The following DPP10 variants were observed in gnomAD, a reference collection of about 807,000 sequenced individuals.
The protein encoded by DPP10 is dipeptidyl peptidase like 10.
DPP10 carries 33 observed loss-of-function variants against 120.9 expected under a neutral mutation model. The observed-to-expected ratio is 0.27, with a 90% CI of 0.21 to 0.37. The LOEUF (loss-of-function observed/expected upper bound fraction) is 0.37, where lower values mean the gene tolerates loss of function less well. Ranked by LOEUF, DPP10 falls within the 10% of genes least tolerant of loss-of-function variation. The probability of loss-of-function intolerance (pLI) is 1.00; values close to 1 mark genes in which losing one functional copy is unlikely to be tolerated. For synonymous variants in DPP10, 337 were observed against 326.1 expected (o/e 1.03, Z -0.36); for missense variants, 816 against 942.8 (o/e 0.87, Z 1.76).
At chr2:114,830,177 C>CCT (rs10633597) in intron 1 of DPP10, among the ~76,000 whole-genome samples, 147,632 of 152,172 alleles carry the variant, frequency 0.97, 71,776 homozygotes, top group Middle Eastern at 1. Flanking sequence ...CCTAAGTTCC[C>CCT]GTTATTGCCC....
At position 114,796,606 on chromosome 2, in the gene DPP10, G is replaced by A. The variant is rs539102780; in HGVS notation, c.60+353768G>A. ...TTGTACTCAGATTTTTGACTGTGCAGGAAGGGCTGGTTCCCCTAACTTCCA... is the reference window on the plus strand; with the variant it reads ...TTGTACTCAGATTTTTGACTGTGCAAGAAGGGCTGGTTCCCCTAACTTCCA... On this transcript the variant is annotated intron_variant, in intron 1 of 25. Coordinates refer to ENST00000410059, the MANE Select transcript of DPP10 (RefSeq NM_020868.6). Among the ~76,000 whole-genome samples the A allele has an allele frequency of 1.1e-3, 173 of 152,210 alleles. No individual in the cohort carries two copies. In the Middle Eastern group the frequency reaches 0.014, roughly 12 times the overall value.
chr2:115,570,987 C>G (rs1409853169), intron 5 of DPP10, among the ~76,000 whole-genome samples: 1 of 152,104 alleles, frequency 6.6e-6, no homozygotes, highest in Non-Finnish European at 1.5e-5. Context: ...GGGCATTAAC[C>G]ACAGTGTAAA....
intron 1 of DPP10, among the ~76,000 whole-genome samples, chr2:114,903,601 A>G (rs1190261383): frequency 3.9e-5 from 6 of 152,184 alleles, no homozygotes; most frequent in East Asian, 1.9e-4. Context: ...GGTATTTTCA[A>G]TTAGACTGCA....
At chr2:115,790,069 CTA>C (rs1205528605) in intron 17 of DPP10, among the ~76,000 whole-genome samples, 3 of 91,758 alleles carry the variant, frequency 3.3e-5, no homozygotes, top group African/African-American at 1.2e-4. Context: ...GATTAGAAGG[CTA>C]TTTTTTTTTT....
intron 3 of DPP10, among the ~76,000 whole-genome samples, chr2:115,429,154 G>A (rs867510575): frequency 6.6e-6 from 1 of 151,630 alleles, no homozygotes; most frequent in Admixed American, 6.6e-5. Context: ...ATAAAGGAGG[G>A]CATTTTGTAG....
In DPP10 at chr2:115,507,017, T is replaced by C. The variant is rs537782386; in HGVS notation, c.366+7413T>C. On this transcript the variant is annotated intron_variant, in intron 4 of 25. Coordinates refer to ENST00000410059, the MANE Select transcript of DPP10 (RefSeq NM_020868.6). ...CAAAGGATAACAACCTTGGCTGCAT[T>C]ACACACACACGCACGCGCACACACA... 1.4e-3 allele frequency among the ~76,000 whole-genome samples: 207 copies of C among 144,618 alleles called. 2 individuals are homozygous for C. Among genetic ancestry groups the C allele is most frequent in the African/African-American group, 5.3e-3 (201 of 37,842 alleles). 94.9% of individuals were successfully genotyped at this position (144,618 alleles called of 152,430 possible).
At chr2:115,442,363 T>TTGTGTGTGTGTGTGTG (rs555025083) in intron 3 of DPP10, among the ~76,000 whole-genome samples, 24 of 147,350 alleles carry the variant, frequency 1.6e-4, no homozygotes, top group African/African-American at 5.7e-4. Flanking sequence ...GTGTGTGTGT[T>TTGTGTGTGTGTGTGTG]TGTGTGTGTG....
chr2:115,584,815 T>G (rs1177499669), intron 5 of DPP10, among the ~76,000 whole-genome samples: 2 of 152,182 alleles, frequency 1.3e-5, no homozygotes, highest in Admixed American at 6.5e-5. Context: ...TAAACAAAAG[T>G]GATGGGTGTC....
chr2:114,929,745 T>G (rs1273755890), intron 1 of DPP10, among the ~76,000 whole-genome samples: 1 of 152,174 alleles, frequency 6.6e-6, no homozygotes, highest in African/African-American at 2.4e-5. Context: ...GACATACATC[T>G]TCAGCTTACG....
intron 5 of DPP10, among the ~76,000 whole-genome samples, chr2:115,671,076 A>G (rs1467627146): frequency 6.6e-6 from 1 of 152,130 alleles, no homozygotes; most frequent in Non-Finnish European, 1.5e-5. Flanking sequence ...CACTGGGAGT[A>G]TAACTGTGTT....
chr2:115,050,830 C>A (rs1260581407), intron 1 of DPP10, among the ~76,000 whole-genome samples: 2 of 152,228 alleles, frequency 1.3e-5, no homozygotes, highest in African/African-American at 4.8e-5. Flanking sequence ...TCTCAAAATT[C>A]TGGGAGATGT....
intron 5 of DPP10, among the ~76,000 whole-genome samples, chr2:115,600,024 A>G (rs1178539297): frequency 2.6e-5 from 4 of 151,796 alleles, no homozygotes; most frequent in Non-Finnish European, 4.4e-5. Flanking sequence ...TTTGGGAGCC[A>G]TTGTTACCCC....
At chr2:114,703,303 A>T (rs1398779728) in intron 1 of DPP10, among the ~76,000 whole-genome samples, 1 of 152,186 alleles carries the variant, frequency 6.6e-6, no homozygotes, top group Non-Finnish European at 1.5e-5. Context: ...TATTTACAGG[A>T]GAAACAAATA....
intron 11 of DPP10, among the ~76,000 whole-genome samples, chr2:115,756,074 C>T (rs746268162): frequency 1.3e-5 from 2 of 151,932 alleles, no homozygotes; most frequent in African/African-American, 2.4e-5. Flanking sequence ...CTGAGATAAG[C>T]GAGTCAACAC....
chr2:115,106,944 A>G (rs62164535), intron 1 of DPP10, among the ~76,000 whole-genome samples: 23,414 of 151,370 alleles, frequency 0.15, 2,002 homozygotes, highest in Non-Finnish European at 0.19. Context: ...GCGTGGTGGC[A>G]GGTGCCTGTA....
At chr2:115,454,397 G>A (rs975921253) in intron 3 of DPP10, among the ~76,000 whole-genome samples, 30 of 151,492 alleles carry the variant, frequency 2.0e-4, no homozygotes, top group African/African-American at 6.5e-4. Context: ...TGACCATGTA[G>A]GATATATTCC....
intron 1 of DPP10, among the ~76,000 whole-genome samples, chr2:115,080,558 A>G (rs576462170): frequency 1.6e-4 from 25 of 152,294 alleles, no homozygotes; most frequent in African/African-American, 5.3e-4. Context: ...TTATTCTTCT[A>G]TGAATTGTCT....
At chr2:115,651,129 C>T (rs1367038962) in intron 5 of DPP10, among the ~76,000 whole-genome samples, 1 of 152,006 alleles carries the variant, frequency 6.6e-6, no homozygotes, top group Non-Finnish European at 1.5e-5. Context: ...GTCTTGCTGT[C>T]TCTGTGTTTC....
chr2:115,320,698 A>AT (rs1288598558), intron 2 of DPP10, among the ~76,000 whole-genome samples: 2 of 151,994 alleles, frequency 1.3e-5, no homozygotes, highest in African/African-American at 4.8e-5. Context: ...ATTATTATAC[A>AT]TTTTTCTTTT....
Sources: gnomAD v4.1 joint callset for allele counts (sites outside exome capture counted in the v4.1 genomes callset) on GRCh38, gnomAD v4.1.1 for gene constraint, MANE v1.5 for transcripts, NCBI Gene and HGNC (gene_info 2026-07-23, HGNC 2026-07-21) for gene names.